Variants in DSCAML1 observed in about 807,000 individuals in gnomAD.
DSCAML1 encodes cell adhesion molecule DSCAML1.
In DSCAML1, 38 loss-of-function variants were observed where a neutral mutation model predicts 200.5. That is an observed-to-expected ratio of 0.19 (90% CI 0.15 to 0.25). DSCAML1 has a LOEUF of 0.25. Ranked by LOEUF, DSCAML1 falls within the 10% of genes least tolerant of loss-of-function variation. The pLI, the probability that DSCAML1 is intolerant of heterozygous loss-of-function variation, is 1.00. For synonymous variants in DSCAML1, 1,215 were observed against 1,165.0 expected (o/e 1.04, Z -0.87); for missense variants, 2,223 against 2,858.8 (o/e 0.78, Z 5.07).
At chr11:117,500,057 C>T (rs141177973) in intron 11 of DSCAML1, among the ~76,000 whole-genome samples, 47 of 152,352 alleles carry the variant, frequency 3.1e-4, no homozygotes, top group African/African-American at 1.0e-3. Flanking sequence ...CCTGAGTTTC[C>T]TCAACATAGG....
intron 3 of DSCAML1, among the ~76,000 whole-genome samples, chr11:117,643,275 T>C (rs2052448632): frequency 6.6e-6 from 1 of 152,084 alleles, no homozygotes; most frequent in Non-Finnish European, 1.5e-5. Flanking sequence ...TTCATGGGTG[T>C]CAGGACTGGG....
chr11:117,501,697 C>G (rs1592671163), intron 11 of DSCAML1, among the ~76,000 whole-genome samples: 1 of 151,990 alleles, frequency 6.6e-6, no homozygotes, highest in African/African-American at 2.4e-5. Context: ...AGCAGCCCAT[C>G]TGAGAGCCAC....
intron 3 of DSCAML1, among the ~76,000 whole-genome samples, chr11:117,588,708 A>G (rs1182175901): frequency 3.3e-5 from 5 of 152,318 alleles, no homozygotes; most frequent in Non-Finnish European, 5.9e-5. Flanking sequence ...CCAAACAAGC[A>G]AGAGGGATTC....
intron 3 of DSCAML1, among the ~76,000 whole-genome samples, chr11:117,666,175 GTCAC>G (rs2052971186): frequency 6.6e-6 from 1 of 152,150 alleles, no homozygotes; most frequent in African/African-American, 2.4e-5. Flanking sequence ...AGGCCCTGAG[GTCAC>G]ATCCAGCCTC....
At chr11:117,531,188 A>G (rs2050070883) in intron 4 of DSCAML1, among the ~76,000 whole-genome samples, 1 of 152,160 alleles carries the variant, frequency 6.6e-6, no homozygotes, top group African/African-American at 2.4e-5. Context: ...CAGCATGGGT[A>G]TGGGCATTCA....
intron 8 of DSCAML1, among the ~76,000 whole-genome samples, chr11:117,513,101 T>G (rs12419495): frequency 1.3e-5 from 2 of 152,050 alleles, no homozygotes; most frequent in African/African-American, 4.8e-5. Context: ...TGTTTTAATA[T>G]GTGATGTTTA....
chr11:117,748,507 G>C (rs538232384), intron 3 of DSCAML1, among the ~76,000 whole-genome samples: 87 of 152,180 alleles, frequency 5.7e-4, no homozygotes, highest in Non-Finnish European at 1.1e-3. Flanking sequence ...CTCAGCTTTT[G>C]TGTCAGCCCT....
chr11:117,481,201 G>T lies in DSCAML1; in HGVS notation c.2629C>A (p.Arg877=), dbSNP rs755785436. 1 of 1,613,876 alleles carries T rather than the reference G, an allele frequency of 6.2e-7. No individual in the cohort carries two copies. Among genetic ancestry groups the T allele is most frequent in the Non-Finnish European group, 8.5e-7 (1 of 1,179,976 alleles). The change falls in exon 13 of 33, where the codon CGG becomes AGG. Residue 877 remains arginine (R), a synonymous_variant. Coordinates refer to ENST00000651296, the MANE Select transcript of DSCAML1 (RefSeq NM_020693.4). ...CHAINSYGED[R]GLIQLTVQEP... ...TGCACAGTGAGTTGGATCAAGCCCC[G>T]GTCCTCCCCATACGAGTTGATGGCA...
chr11:117,609,113 C>T (rs554591019), intron 3 of DSCAML1, among the ~76,000 whole-genome samples: 2 of 151,600 alleles, frequency 1.3e-5, no homozygotes, highest in African/African-American at 2.4e-5. Flanking sequence ...GCAGGACAAT[C>T]GCTTGAACCT....
chr11:117,572,792 A>G lies in DSCAML1; in HGVS notation c.512-40270T>C, dbSNP rs1417437902. On this transcript the variant is annotated intron_variant, in intron 3 of 32. Transcript: ENST00000651296. ...GGTTCTCCTCTGCCCGTTCAAGTGC[A>G]GGTATAACTAGACATGCTTCTCTCA... 2.0e-5 allele frequency among the ~76,000 whole-genome samples: 3 copies of G among 152,178 alleles called. No homozygotes were observed. In the South Asian group the frequency reaches 6.2e-4, roughly 32 times the overall value.
chr11:117,790,162 T>G (rs1044259778), intron 1 of DSCAML1, among the ~76,000 whole-genome samples: 1 of 152,244 alleles, frequency 6.6e-6, no homozygotes, highest in African/African-American at 2.4e-5. Flanking sequence ...CAGTGAATAC[T>G]GTGACCTTAA....
chr11:117,505,878 G>C lies in DSCAML1; in HGVS notation c.1784-146C>G, dbSNP rs1009756319. 6.1e-6 allele frequency: 6 copies of C among 990,224 alleles called. No homozygotes were observed. The highest frequency in any genetic ancestry group is 8.7e-6 in the Non-Finnish European group (6 of 689,124). The allele number at this position is 990,224 out of a possible 1,614,324, so 61.3% of individuals were successfully genotyped here. A position where few individuals can be genotyped will look rare whatever the true frequency, so the allele number is the denominator to read the frequency against. On this transcript the variant is annotated intron_variant, in intron 8 of 32. Coordinates refer to ENST00000651296, the MANE Select transcript of DSCAML1 (RefSeq NM_020693.4). The surrounding 1 kb of genome is among the most constrained non-coding windows in gnomAD (Gnocchi z 6.7). ...ACTGCAGCCTTGTTCTCCTATGCAT[G>C]CAGGGTCTCCTAATGATGCCTGGCT...
intron 11 of DSCAML1, among the ~76,000 whole-genome samples, chr11:117,487,233 G>T: frequency 6.6e-6 from 1 of 152,008 alleles, no homozygotes; most frequent in Non-Finnish European, 1.5e-5. Context: ...CTGTCATTAA[G>T]TTTTATATTG....
intron 3 of DSCAML1, among the ~76,000 whole-genome samples, chr11:117,656,252 G>A (rs1201082798): frequency 6.6e-6 from 1 of 152,158 alleles, no homozygotes; most frequent in African/African-American, 2.4e-5. Context: ...GGGGGCAGCG[G>A]GGCAGAGGAG....
intron 3 of DSCAML1, among the ~76,000 whole-genome samples, chr11:117,545,297 T>C (rs529738635): frequency 1.3e-5 from 2 of 150,504 alleles, no homozygotes; most frequent in Non-Finnish European, 2.9e-5. Context: ...GAAAAGGCCA[T>C]GTGAGGACAC....
chr11:117,813,291 GAC>G (rs1353096884), intron 1 of DSCAML1, among the ~76,000 whole-genome samples: 2 of 152,122 alleles, frequency 1.3e-5, no homozygotes, highest in Non-Finnish European at 2.9e-5. Flanking sequence ...TCTCATTCCA[GAC>G]ACCAGACCAA....
At chr11:117,429,351 G>T (rs3889571) in intron 32 of DSCAML1, among the ~76,000 whole-genome samples, 63,729 of 152,072 alleles carry the variant, frequency 0.42, 13,797 homozygotes, top group Non-Finnish European at 0.48. Flanking sequence ...TTTGAAGTCA[G>T]CTACATGTCC....
intron 3 of DSCAML1, among the ~76,000 whole-genome samples, chr11:117,723,270 T>C (rs7928408): frequency 0.81 from 122,651 of 152,202 alleles, 52,226 homozygotes; most frequent in Non-Finnish European, 0.94. Flanking sequence ...CCAAAGTCAC[T>C]GATAACACAT....
At chr11:117,638,315 A>AGTGTGTGTGTGTGTGTGTGT (rs59327038) in intron 3 of DSCAML1, among the ~76,000 whole-genome samples, 1 of 135,128 alleles carries the variant, frequency 7.4e-6, no homozygotes, top group Non-Finnish European at 1.6e-5. Flanking sequence ...CAAGATAGCA[A>AGTGTGTGTGTGTGTGTGTGT]GTGTGTGTGT....
Sources: gnomAD v4.1 joint callset for allele counts (sites outside exome capture counted in the v4.1 genomes callset) on GRCh38, gnomAD v4.1.1 for gene constraint, Gnocchi (gnomAD v3.1) non-coding constraint, MANE v1.5 for transcripts, NCBI Gene and HGNC (gene_info 2026-07-23, HGNC 2026-07-21) for gene names.